Variants in STK33 observed in about 807,000 individuals in gnomAD.
STK33 encodes the protein serine/threonine kinase 33.
STK33 carries 52 observed loss-of-function variants against 58.0 expected under a neutral mutation model. The observed-to-expected ratio is 0.90, with a 90% CI of 0.72 to 1.13. STK33 has a LOEUF of 1.13. Among genes scored for constraint, STK33 ranks in the 50% most tolerant of loss-of-function variants. The pLI, the probability that STK33 is intolerant of heterozygous loss-of-function variation, is 0.00. For missense variants in STK33, 630 were observed against 604.2 expected (o/e 1.04, Z -0.45); for synonymous variants, 215 against 200.1 (o/e 1.07, Z -0.63).
At chr11:8,415,156 G>T (rs1269866639) in intron 14 of STK33, among the ~76,000 whole-genome samples, 1 of 152,014 alleles carries the variant, frequency 6.6e-6, no homozygotes, top group Non-Finnish European at 1.5e-5. Flanking sequence ...GTCCTGGAAT[G>T]CAAGTACATA....
chr11:8,525,472 A>C (rs1309169275), intron 1 of STK33, among the ~76,000 whole-genome samples: 1 of 152,236 alleles, frequency 6.6e-6, no homozygotes, highest in Non-Finnish European at 1.5e-5. Context: ...GATTTAAAAC[A>C]AAGATGACAT....
chr11:8,504,284 T>C (rs750675346), intron 1 of STK33, among the ~76,000 whole-genome samples: 7 of 152,160 alleles, frequency 4.6e-5, no homozygotes, highest in Non-Finnish European at 7.4e-5. Context: ...ACATCATTAT[T>C]TACATTGGGT....
intron 5 of STK33, 75 bp downstream of exon 5, chr11:8,474,606 T>C: frequency 3.8e-6 from 4 of 1,051,840 alleles, no homozygotes; most frequent in Middle Eastern, 3.1e-4. Context: ...ACTCATGGGA[T>C]ATGGATGAAG....
chr11:8,477,161 CACACACACACACACAT>C (rs1159764439), intron 3 of STK33, 73 bp downstream of exon 3: 1 of 151,798 alleles, frequency 6.6e-6, no homozygotes, highest in African/African-American at 2.4e-5. Context: ...CACACACACA[CACACACACACACACAT>C]ACACATCTCT....
chr11:8,587,654 G>T (rs1480488271), intron 1 of STK33, among the ~76,000 whole-genome samples: 1 of 151,300 alleles, frequency 6.6e-6, no homozygotes, highest in Non-Finnish European at 1.5e-5. Context: ...TTTCTTTGTG[G>T]AAAGGTTCAC....
At chr11:8,486,125 T>C (rs1312845042) in intron 1 of STK33, among the ~76,000 whole-genome samples, 1 of 151,816 alleles carries the variant, frequency 6.6e-6, no homozygotes, top group Non-Finnish European at 1.5e-5. Context: ...CTGATCTCCA[T>C]ACTCTCAAAG....
intron 1 of STK33, among the ~76,000 whole-genome samples, chr11:8,566,819 G>A (rs1162824240): frequency 1.3e-5 from 2 of 152,154 alleles, no homozygotes; most frequent in African/African-American, 2.4e-5. Flanking sequence ...AAATTACTGA[G>A]TGAGCTTCTC....
At chr11:8,370,446 C>G in the STK33 span, among the ~76,000 whole-genome samples, 3 of 152,154 alleles carry the variant, frequency 2.0e-5, no homozygotes, top group African/African-American at 7.2e-5. Flanking sequence ...GATCATCTTG[C>G]CTTGCCTCCA....
At position 8,461,812 on chromosome 11, in the gene STK33, G is replaced by A. The variant is rs753091197; in HGVS notation, c.551C>T (p.Thr184Met). 8.2e-6 allele frequency: 13 copies of A among 1,581,372 alleles called. No individual in the cohort carries two copies. The highest frequency in any genetic ancestry group is 4.1e-5 in the African/African-American group (3 of 72,866). Residue 184 changes from threonine to methionine, a missense_variant, in exon 8 of 16, where the codon ACG (threonine) becomes ATG (methionine). Thr to Met is a moderately conservative substitution (Grantham distance 81, BLOSUM62 -1). Coordinates refer to ENST00000687296, the MANE Select transcript of STK33 (RefSeq NM_001352389.2). ...CGCCTAATAGAGGTTTACCTTTGGCGTTTCAAATACTTGTTCCAGATGTAT... is the reference window on the plus strand; with the variant it reads ...CGCCTAATAGAGGTTTACCTTTGGCATTTCAAATACTTGTTCCAGATGTAT... ...HIIHLEQVFE[T>M]PKKMYLVMEL...
intron 8 of STK33, among the ~76,000 whole-genome samples, chr11:8,457,729 G>A (rs923491077): frequency 5.9e-5 from 9 of 152,178 alleles, no homozygotes; most frequent in African/African-American, 2.2e-4. Context: ...GGCCCCAAAT[G>A]CCATAGAGTT....
chr11:8,456,619 G>A (rs1287685199), intron 9 of STK33, among the ~76,000 whole-genome samples: 3 of 150,658 alleles, frequency 2.0e-5, no homozygotes, highest in African/African-American at 7.3e-5. Context: ...AAGTGAGAAG[G>A]TTCTAAAGTC....
intron 15 of STK33, among the ~76,000 whole-genome samples, chr11:8,412,589 T>C (rs142615914): frequency 1.2e-4 from 18 of 152,280 alleles, no homozygotes; most frequent in Non-Finnish European, 1.6e-4. Context: ...GGTCCAGGAT[T>C]TACCCTGGCA....
At chr11:8,436,688 C>G (rs546382843) in intron 12 of STK33, among the ~76,000 whole-genome samples, 1 of 152,044 alleles carries the variant, frequency 6.6e-6, no homozygotes, top group Non-Finnish European at 1.5e-5. Context: ...CCAAGACTAA[C>G]CCCGGGAATT....
In STK33 at chr11:8,556,253, C is replaced by G. The variant is rs185593363; in HGVS notation, c.-466+37830G>C. 1.3e-3 allele frequency among the ~76,000 whole-genome samples: 204 copies of G among 152,240 alleles called. 1 individual carries two copies. Among genetic ancestry groups the G allele is most frequent in the African/African-American group, 4.5e-3 (186 of 41,550 alleles). ...GTAAAGATTTCTGAGCAGAAAAAAGCGTCATCAAAGTTGTGCTTTAGAAAG... is the reference window on the plus strand; with the variant it reads ...GTAAAGATTTCTGAGCAGAAAAAAGGGTCATCAAAGTTGTGCTTTAGAAAG... On this transcript the variant is annotated intron_variant, in intron 1 of 15. Coordinates refer to ENST00000687296, the MANE Select transcript of STK33 (RefSeq NM_001352389.2).
the STK33 span, among the ~76,000 whole-genome samples, chr11:8,337,646 G>GGGGGGC: frequency 9.2e-5 from 2 of 21,670 alleles, no homozygotes; most frequent in African/African-American, 3.2e-4. Flanking sequence ...GGCGGGGGGC[G>GGGGGGC]GGGGGGGGGC....
intron 1 of STK33, among the ~76,000 whole-genome samples, chr11:8,557,515 T>C (rs1956847396): frequency 6.6e-6 from 1 of 152,082 alleles, no homozygotes; most frequent in Admixed American, 6.6e-5. Flanking sequence ...AGTCAAAATA[T>C]ACATTCCTAT....
intron 1 of STK33, among the ~76,000 whole-genome samples, chr11:8,551,706 G>C (rs1165624114): frequency 6.6e-6 from 1 of 152,106 alleles, no homozygotes; most frequent in Non-Finnish European, 1.5e-5. Flanking sequence ...GGGAGCATCA[G>C]AACTAAAACT....
At chr11:8,355,803 G>A in the STK33 span, among the ~76,000 whole-genome samples, 3 of 152,230 alleles carry the variant, frequency 2.0e-5, no homozygotes, top group African/African-American at 7.2e-5. Context: ...TACACAAGGT[G>A]CTTAGACCAG....
chr11:8,445,720 G>A (rs138311071), intron 11 of STK33, among the ~76,000 whole-genome samples: 2 of 152,164 alleles, frequency 1.3e-5, no homozygotes, highest in African/African-American at 4.8e-5. Context: ...TTGCATCCCA[G>A]AGATGAAGCT....
Sources: gnomAD v4.1 joint callset for allele counts (sites outside exome capture counted in the v4.1 genomes callset) on GRCh38, gnomAD v4.1.1 for gene constraint, MANE v1.5 for transcripts, NCBI Gene and HGNC (gene_info 2026-07-23, HGNC 2026-07-21) for gene names.